CCDC146: variants seen among roughly 807,000 people sequenced by gnomAD.
CCDC146 encodes the protein coiled-coil domain containing 146.
A neutral mutation model predicts 119.3 loss-of-function variants in CCDC146; 92 were observed. The ratio of observed to expected loss-of-function variants is 0.77; its 90% CI spans 0.65 to 0.92. The LOEUF (loss-of-function observed/expected upper bound fraction) is 0.92. Ranked by LOEUF, CCDC146 falls within the 40% of genes least tolerant of loss-of-function variation. The pLI is 0.00. For synonymous variants in CCDC146, 372 were observed against 371.8 expected, an observed-to-expected ratio of 1.00 and a Z score of -0.01; for missense variants, 1,000 against 1,103.0, an observed-to-expected ratio of 0.91 and a Z score of 1.32.
At position 77,194,310 on chromosome 7, in the gene CCDC146, T is replaced by C. The variant is rs189744993; in HGVS notation, c.156+26486T>C. On this transcript the variant is annotated intron_variant, in intron 2 of 18. Coordinates refer to ENST00000285871, the MANE Select transcript of CCDC146 (RefSeq NM_020879.3). The stretch of plus-strand genomic sequence containing the variant: ...ATGACCTTATCTGAAACAAATACAT[T>C]GTATAATATCAAAACGTTTTTAGTC... The C allele has an allele frequency of 4.5e-4, 68 of 152,170 alleles. 1 individual carries two copies. The highest frequency in any genetic ancestry group is 1.5e-3 in the African/African-American group (63 of 41,570). 9.4% of individuals were successfully genotyped at this position (152,170 alleles called of 1,614,324 possible). A position where few individuals can be genotyped will look rare whatever the true frequency, so the allele number is the denominator to read the frequency against.
intron 13 of CCDC146, among the ~76,000 whole-genome samples, chr7:77,279,626 A>C (rs1278965044): frequency 6.6e-6 from 1 of 152,220 alleles, no homozygotes; most frequent in Non-Finnish European, 1.5e-5. Context: ...TCCAGACTCA[A>C]ATACCACCCC....
chr7:77,260,017 A>T lies in CCDC146; in HGVS notation c.767A>T (p.Glu256Val). ...EKITRKKVEM[E>V]KKKIVLEQEV... Reference sequence around the variant, plus strand: ...GTGTGTATCCCCTACAGAGAAATGGAAAAGAAAAAAATTGTCTTGGAACAA... The same window carrying T: ...GTGTGTATCCCCTACAGAGAAATGGTAAAGAAAAAAATTGTCTTGGAACAA... Residue 256 changes from glutamate to valine, a missense_variant, in exon 8 of 19, where the codon GAA (glutamate) becomes GTA (valine). Glu to Val is a moderately radical substitution (Grantham distance 121, BLOSUM62 -2). Around this residue, in one of 2 missense-constraint regions of CCDC146, gnomAD observed 985 missense variants for 1,045.3 expected, o/e 0.94. Coordinates refer to ENST00000285871, the MANE Select transcript of CCDC146 (RefSeq NM_020879.3). 6.2e-7 allele frequency: 1 copy of T among 1,606,808 alleles called. No homozygotes were observed. The highest frequency in any genetic ancestry group is 8.5e-7 in the Non-Finnish European group (1 of 1,176,094).
chr7:77,235,011 C>A (rs1792707663), intron 2 of CCDC146, among the ~76,000 whole-genome samples: 1 of 152,038 alleles, frequency 6.6e-6, no homozygotes, highest in Non-Finnish European at 1.5e-5. Context: ...GTAGAAAGAC[C>A]ACGAAACCCC....
At chr7:77,264,541 C>T (rs1190360625) in intron 9 of CCDC146, among the ~76,000 whole-genome samples, 3 of 152,068 alleles carry the variant, frequency 2.0e-5, no homozygotes, top group Admixed American at 6.6e-5. Flanking sequence ...ATTACAGGTG[C>T]GAGCCACCGC....
intron 2 of CCDC146, among the ~76,000 whole-genome samples, chr7:77,172,793 AT>A (rs1477648706): frequency 6.6e-6 from 1 of 152,176 alleles, no homozygotes; most frequent in Non-Finnish European, 1.5e-5. Flanking sequence ...GCCTAGTCGT[AT>A]TGCCTCCATT....
chr7:77,288,991 G>A (rs1793896617), intron 17 of CCDC146, among the ~76,000 whole-genome samples: 2 of 152,216 alleles, frequency 1.3e-5, no homozygotes, highest in Non-Finnish European at 2.9e-5. Flanking sequence ...TGACTATTAT[G>A]CTTCTGCTCT....
intron 2 of CCDC146, among the ~76,000 whole-genome samples, chr7:77,178,426 A>C (rs1211263747): frequency 2.0e-5 from 3 of 152,214 alleles, no homozygotes; most frequent in Non-Finnish European, 4.4e-5. Context: ...AGCATCTACA[A>C]TATGCCAAAC....
At chr7:77,247,571 C>T (rs115460365) in intron 4 of CCDC146, among the ~76,000 whole-genome samples, 1 of 152,094 alleles carries the variant, frequency 6.6e-6, no homozygotes, top group African/African-American at 2.4e-5. Context: ...ACATGTATTA[C>T]AAAATTCATC....
intron 1 of CCDC146, among the ~76,000 whole-genome samples, chr7:77,149,828 A>G (rs1260469287): frequency 1.3e-5 from 2 of 152,004 alleles, no homozygotes; most frequent in Non-Finnish European, 2.9e-5. Flanking sequence ...TAAAGCTACA[A>G]TAATAAATAC....
Position 77,294,811 on chromosome 7 carries a change from C to T in CCDC146, c.2813C>T (p.Pro938Leu). The T allele has an allele frequency of 6.2e-7, 1 of 1,614,108 alleles. No individual in the cohort carries two copies. Among genetic ancestry groups the T allele is most frequent in the South Asian group, 1.1e-5 (1 of 91,070 alleles). The change falls in exon 19 of 19, where the codon CCT becomes CTT. Residue 938 changes from proline (P) to leucine (L), a missense_variant. Physicochemically the swap from Pro to Leu is moderately conservative, Grantham distance 98. Transcript: ENST00000285871. Reference sequence around the variant, plus strand: ...TTGGCTCCTTTTAAACCCAGTGAACCTGGAGCCAATATGAGGCACATAAGG... The same window carrying T: ...TTGGCTCCTTTTAAACCCAGTGAACTTGGAGCCAATATGAGGCACATAAGG... Reference protein sequence around the residue: ...GALAPFKPSEPGANMRHIRKP... With the variant: ...GALAPFKPSELGANMRHIRKP...
At chr7:77,237,113 C>A in intron 3 of CCDC146, 84 bp downstream of exon 3, 2 of 1,108,674 alleles carry the variant, frequency 1.8e-6, no homozygotes, top group Non-Finnish European at 2.7e-6. Context: ...TTTGCATTCC[C>A]CCATAAGCAG....
Position 77,281,213 on chromosome 7 carries a change from C to A in CCDC146, c.1919+560C>A, listed in dbSNP as rs116436514. 2.9e-3 allele frequency among the ~76,000 whole-genome samples: 447 copies of A among 152,082 alleles called. 1 individual carries two copies. The highest frequency in any genetic ancestry group is 0.01 in the African/African-American group (426 of 41,466). ...GTTGCTTGCTTTTGAAGATCAATGT[C>A]CTTTCCTAAGTGGTCATTCGGGTTG... On this transcript the variant is annotated intron_variant, in intron 14 of 18. Transcript: ENST00000285871.
chr7:77,194,517 G>T (rs1051947690), intron 2 of CCDC146: 5 of 151,902 alleles, frequency 3.3e-5, no homozygotes, highest in Non-Finnish European at 7.4e-5. Context: ...TTAACTGAAA[G>T]CTTTGGGTTA....
chr7:77,132,930 G>T (rs1468953846), intron 1 of CCDC146, among the ~76,000 whole-genome samples: 2 of 151,972 alleles, frequency 1.3e-5, no homozygotes, highest in Non-Finnish European at 2.9e-5. Context: ...CCAGCACTTT[G>T]GGAGCCCAAG....
intron 1 of CCDC146, among the ~76,000 whole-genome samples, chr7:77,165,724 C>G (rs1175540024): frequency 6.6e-6 from 1 of 152,250 alleles, no homozygotes; most frequent in African/African-American, 2.4e-5. Context: ...TCCCCAGCAT[C>G]TGTCTCTGTG....
At chr7:77,193,363 C>T (rs1162262378) in intron 2 of CCDC146, 1 of 151,406 alleles carries the variant, frequency 6.6e-6, no homozygotes, top group Non-Finnish European at 1.5e-5. Flanking sequence ...CAAGTAAGTA[C>T]ATAAATATTA....
At chr7:77,283,951 A>C (rs1189756056) in intron 15 of CCDC146, among the ~76,000 whole-genome samples, 1 of 152,120 alleles carries the variant, frequency 6.6e-6, no homozygotes, top group African/African-American at 2.4e-5. Flanking sequence ...AAGTGTAGTC[A>C]GATTGAGATC....
At chr7:77,271,998 G>A (rs1172757291) in intron 9 of CCDC146, among the ~76,000 whole-genome samples, 1 of 152,120 alleles carries the variant, frequency 6.6e-6, no homozygotes, top group South Asian at 2.1e-4. Flanking sequence ...CATGAGGACA[G>A]CCCACTCCAG....
At chr7:77,241,183 G>A (rs1452243660) in intron 3 of CCDC146, among the ~76,000 whole-genome samples, 1 of 148,452 alleles carries the variant, frequency 6.7e-6, no homozygotes, top group African/African-American at 2.4e-5. Flanking sequence ...TCAGCCTCCC[G>A]AGTAGCTGGG....
Sources: gnomAD v4.1 joint callset for allele counts (sites outside exome capture counted in the v4.1 genomes callset) on GRCh38, gnomAD v4.1.1 for gene constraint, gnomAD v4.1.1 regional missense constraint, MANE v1.5 for transcripts, NCBI Gene and HGNC (gene_info 2026-07-23, HGNC 2026-07-21) for gene names.